The following WDFY4 variants were observed in gnomAD, a reference collection of about 807,000 sequenced individuals.
The protein encoded by WDFY4 is WDFY family member 4.
Under a neutral mutation model 351.9 loss-of-function variants are expected in WDFY4, and 169 were observed. That is an observed-to-expected ratio of 0.48 (90% CI 0.42 to 0.55). The LOEUF (loss-of-function observed/expected upper bound fraction) is 0.55, where lower values mean the gene tolerates loss of function less well. WDFY4 is among the 20% of genes least tolerant of loss of function. The pLI is 0.00. For synonymous variants in WDFY4, 1,622 were observed against 1,574.6 expected (o/e 1.03, Z -0.71); for missense variants, 3,803 against 3,935.6 (o/e 0.97, Z 0.90).
At chr10:48,888,082 T>G (rs969148388) in intron 43 of WDFY4, among the ~76,000 whole-genome samples, 7 of 152,244 alleles carry the variant, frequency 4.6e-5, no homozygotes, top group Admixed American at 2.0e-4. Context: ...AAAAAGAATA[T>G]GTATAAACAT....
chr10:48,955,847 C>A (rs1841564449), intron 51 of WDFY4, among the ~76,000 whole-genome samples: 1 of 152,070 alleles, frequency 6.6e-6, no homozygotes, highest in African/African-American at 2.4e-5. Flanking sequence ...GTGGCGGGCA[C>A]AGAGTGGGCA....
chr10:48,782,647 G>A (rs1201595712), intron 19 of WDFY4, among the ~76,000 whole-genome samples: 1 of 152,204 alleles, frequency 6.6e-6, no homozygotes, highest in Non-Finnish European at 1.5e-5. Context: ...TAAACATAAA[G>A]GCCTGTGTTT....
intron 25 of WDFY4, among the ~76,000 whole-genome samples, chr10:48,804,996 A>ATT (rs1396820327): frequency 6.6e-6 from 1 of 152,044 alleles, no homozygotes; most frequent in East Asian, 1.9e-4. Flanking sequence ...GGGGCTCAGA[A>ATT]TTTAAAAGTC....
At chr10:48,981,583 C>T in intron 61 of WDFY4, 105 bp downstream of exon 61, 2 of 1,038,578 alleles carry the variant, frequency 1.9e-6, no homozygotes, top group Non-Finnish European at 2.8e-6. Context: ...GAGGAGGCCA[C>T]TTCACTCCAG....
Position 48,969,085 on chromosome 10 carries a change from G to A in WDFY4, c.8606G>A (p.Gly2869Asp). ...GTAGATATGTACCTCTTTTCTCTAG[G>A]CTCAGAGTCCCCCAAAGGGGCCATT... ...TVKDMYLFSL[G>D]SESPKGAIGH... Residue 2869 changes from glycine to aspartate, a missense_variant, in exon 56 of 62, where the codon GGC becomes GAC. By Grantham distance (94) the Gly-to-Asp change is moderately conservative. This residue lies in a region of WDFY4 where 3,054 missense variants were observed against 3,148.6 expected (regional missense o/e 0.97). Transcript: ENST00000325239. 6.4e-7 allele frequency: 1 copy of A among 1,551,312 alleles called. No individual in the cohort carries two copies. The highest frequency in any genetic ancestry group is 8.7e-7 in the Non-Finnish European group (1 of 1,146,766).
rs142394005 is a variant in WDFY4, at chr10:48,794,508, C to T, written c.4258-1790C>T. On this transcript the variant is annotated intron_variant, in intron 23 of 61. Coordinates refer to ENST00000325239, the MANE Select transcript of WDFY4 (RefSeq NM_001394531.1). ...CTGGAGGTGTAAATATGAGGGTCAT[C>T]GCCACCATGATGATATTTAATCTAA... Among the ~76,000 whole-genome samples, 189 of 152,096 alleles carry T rather than the reference C, an allele frequency of 1.2e-3. 1 individual carries two copies. The highest frequency in any genetic ancestry group is 9.5e-3 in the East Asian group (49 of 5,168).
chr10:48,805,501 C>G, intron 26 of WDFY4, 80 bp downstream of exon 26: 1 of 1,475,278 alleles, frequency 6.8e-7, no homozygotes, highest in Non-Finnish European at 9.0e-7. Flanking sequence ...AGCTCTCTCC[C>G]CATTGTGCTC....
chr10:48,737,360 A>G lies in WDFY4; in HGVS notation c.1878+1290A>G, dbSNP rs115913244. Among the ~76,000 whole-genome samples, 618 of 152,312 alleles carry G rather than the reference A, an allele frequency of 4.1e-3. 6 individuals carry two copies. Among genetic ancestry groups the G allele is most frequent in the African/African-American group, 0.014 (592 of 41,562 alleles). Reference sequence around the variant, plus strand: ...ATATATTTGATTGTTGGTGAATTAAAAAAAAAAGTGAAGTTGCTCTGATTT... The same window carrying G: ...ATATATTTGATTGTTGGTGAATTAAGAAAAAAAGTGAAGTTGCTCTGATTT... On this transcript the variant is annotated intron_variant, in intron 11 of 61. Transcript: ENST00000325239.
chr10:48,898,285 A>G (rs1468667103), intron 45 of WDFY4, among the ~76,000 whole-genome samples: 2 of 152,188 alleles, frequency 1.3e-5, no homozygotes, highest in Non-Finnish European at 2.9e-5. Flanking sequence ...GGTAAACTTC[A>G]GGGGCCCCCA....
intron 61 of WDFY4, 103 bp from the exon 62 acceptor site, chr10:48,982,406 G>T (rs565248622): frequency 9.7e-7 from 1 of 1,026,310 alleles, no homozygotes; most frequent in Admixed American, 3.1e-5. Flanking sequence ...GGCAAGCTCC[G>T]CTGGGCCCCA....
Position 48,702,088 on chromosome 10 carries a change from A to G in WDFY4, c.-17-7628A>G, listed in dbSNP as rs549995769. ...TAGTGCACACTTTGGACAAATGTAG[A>G]CTGTCATGTGACCACCACCAAGTAA... is the stretch of plus-strand genomic sequence containing the variant. On this transcript the variant is annotated intron_variant, in intron 1 of 61. Transcript: ENST00000325239. Among the ~76,000 whole-genome samples, 3 of 152,296 alleles carry G rather than the reference A, an allele frequency of 2.0e-5. No homozygotes were observed. The East Asian group carries it at 5.8e-4, about 29-fold the overall frequency.
chr10:48,772,680 A>C (rs946235398), intron 13 of WDFY4, among the ~76,000 whole-genome samples: 1 of 146,994 alleles, frequency 6.8e-6, no homozygotes, highest in Non-Finnish European at 1.5e-5. Flanking sequence ...ATATCTCCCA[A>C]TGCTATCCCT....
intron 32 of WDFY4, among the ~76,000 whole-genome samples, chr10:48,818,797 T>TA (rs2067709217): frequency 1.3e-5 from 2 of 152,164 alleles, no homozygotes; most frequent in Middle Eastern, 3.2e-3. Context: ...AGTAACTTAC[T>TA]AAAAAAGTAA....
chr10:48,897,888 A>G (rs992943360), intron 45 of WDFY4, among the ~76,000 whole-genome samples: 1 of 152,220 alleles, frequency 6.6e-6, no homozygotes, highest in Admixed American at 6.5e-5. Flanking sequence ...ATTTAGGAAT[A>G]CAGGGCAGGA....
At chr10:48,865,283 G>GT (rs774989761) in intron 39 of WDFY4, among the ~76,000 whole-genome samples, 2 of 152,098 alleles carry the variant, frequency 1.3e-5, no homozygotes, top group Non-Finnish European at 2.9e-5. Flanking sequence ...TCATGAAAGG[G>GT]TTTTAAATTT....
chr10:48,873,436 C>A (rs568368672), intron 40 of WDFY4, 55 bp from the exon 41 acceptor site: 1 of 1,475,780 alleles, frequency 6.8e-7, no homozygotes, highest in Non-Finnish European at 9.0e-7. Context: ...TGGGGCCAGG[C>A]CCATAAGGCC....
intron 46 of WDFY4, 44 bp from the exon 47 acceptor site, chr10:48,901,757 G>A: frequency 6.5e-7 from 1 of 1,540,738 alleles, no homozygotes; most frequent in Non-Finnish European, 8.8e-7. Flanking sequence ...AGGAGAAAGG[G>A]TCTTGACTCT....
At chr10:48,732,140 C>T (rs778733627) in intron 9 of WDFY4, among the ~76,000 whole-genome samples, 6 of 152,340 alleles carry the variant, frequency 3.9e-5, no homozygotes, top group Admixed American at 3.3e-4. Flanking sequence ...CTGCTGTCCC[C>T]TGAGGCTTTA....
At chr10:48,889,211 C>T (rs191669036) in intron 43 of WDFY4, among the ~76,000 whole-genome samples, 7 of 152,332 alleles carry the variant, frequency 4.6e-5, no homozygotes, top group Non-Finnish European at 7.3e-5. Flanking sequence ...CAGAGGCTCT[C>T]GGCTGGTCCT....
Sources: allele counts gnomAD v4.1 joint callset (sites outside exome capture counted in the v4.1 genomes callset), GRCh38; gene constraint gnomAD v4.1.1; regional missense constraint gnomAD v4.1.1; transcripts MANE v1.5; gene names NCBI Gene and HGNC (gene_info 2026-07-23, HGNC 2026-07-21).